TRAPPC8: variants seen among roughly 807,000 people sequenced by gnomAD.
The protein encoded by TRAPPC8 is trafficking protein particle complex subunit 8, also known as general sporulation gene 1 homolog.
TRAPPC8 carries 54 observed loss-of-function variants against 174.3 expected under a neutral mutation model. That is an observed-to-expected ratio of 0.31 (90% CI 0.25 to 0.39). The LOEUF (loss-of-function observed/expected upper bound fraction) is 0.39, where lower values mean the gene tolerates loss of function less well. Ranked by LOEUF, TRAPPC8 falls within the 10% of genes least tolerant of loss-of-function variation. The probability of loss-of-function intolerance (pLI) is 1.00; values close to 1 mark genes in which losing one functional copy is unlikely to be tolerated. For synonymous variants in TRAPPC8, 630 were observed against 579.9 expected, an observed-to-expected ratio of 1.09 and a Z score of -1.24; for missense variants, 1,531 against 1,699.1, an observed-to-expected ratio of 0.90 and a Z score of 1.74.
intron 26 of TRAPPC8, among the ~76,000 whole-genome samples, chr18:31,845,945 A>T (rs2033378595): frequency 6.6e-6 from 1 of 152,208 alleles, no homozygotes; most frequent in African/African-American, 2.4e-5. Context: ...TTTAGGAAAA[A>T]TAAGAAAGCA....
At chr18:31,858,807 G>A (rs981998168) in intron 19 of TRAPPC8, among the ~76,000 whole-genome samples, 6 of 152,204 alleles carry the variant, frequency 3.9e-5, no homozygotes, top group Non-Finnish European at 8.8e-5. Flanking sequence ...TAAGTATACT[G>A]GCTGGGCACA....
chr18:31,917,525 T>C (rs1312872434), intron 3 of TRAPPC8, 53 bp downstream of exon 3: 7 of 1,514,830 alleles, frequency 4.6e-6, no homozygotes, highest in Non-Finnish European at 6.3e-6. Flanking sequence ...ATTTCTGAGA[T>C]TAATAACTTC....
intron 2 of TRAPPC8, among the ~76,000 whole-genome samples, chr18:31,918,696 A>G (rs1418160507): frequency 2.6e-5 from 4 of 152,224 alleles, no homozygotes; most frequent in Non-Finnish European, 4.4e-5. Flanking sequence ...GAAATTTCGA[A>G]GTACATTTAC....
intron 20 of TRAPPC8, 46 bp from the exon 21 acceptor site, chr18:31,855,853 CTA>C (rs758555049): frequency 9.7e-6 from 15 of 1,546,452 alleles, no homozygotes; most frequent in Non-Finnish European, 1.2e-5. Flanking sequence ...CACAGAGTCT[CTA>C]TGTTATAATT....
At chr18:31,878,301 C>T (rs932106177) in intron 12 of TRAPPC8, among the ~76,000 whole-genome samples, 2 of 152,042 alleles carry the variant, frequency 1.3e-5, no homozygotes, top group East Asian at 1.9e-4. Flanking sequence ...TCAGAAGAAA[C>T]CTTACCAACA....
chr18:31,864,464 A>C (rs1422092084), intron 19 of TRAPPC8, among the ~76,000 whole-genome samples, 163 bp downstream of exon 19: 2 of 152,126 alleles, frequency 1.3e-5, no homozygotes, highest in Non-Finnish European at 2.9e-5. Context: ...AATTTGCATG[A>C]TTGCCTTACA....
At chr18:31,880,731 A>G (rs908686085) in intron 12 of TRAPPC8, among the ~76,000 whole-genome samples, 7 of 152,148 alleles carry the variant, frequency 4.6e-5, no homozygotes, top group African/African-American at 1.7e-4. Flanking sequence ...TTCAATGATG[A>G]CAAGATCCTA....
chr18:31,880,600 T>C (rs1004513350), intron 12 of TRAPPC8, among the ~76,000 whole-genome samples: 1 of 151,944 alleles, frequency 6.6e-6, no homozygotes, highest in African/African-American at 2.4e-5. Context: ...GACAAGGATG[T>C]ACACTCTGCA....
At chr18:31,867,018 T>C (rs769553602) in intron 17 of TRAPPC8, 43 bp from the exon 18 acceptor site, 2 of 1,598,748 alleles carry the variant, frequency 1.3e-6, no homozygotes, top group Admixed American at 1.7e-5. Context: ...TTTCATAATA[T>C]CTTAAATAGC....
intron 2 of TRAPPC8, among the ~76,000 whole-genome samples, chr18:31,920,254 G>T (rs939228689): frequency 2.0e-4 from 30 of 152,256 alleles, no homozygotes; most frequent in Non-Finnish European, 5.9e-5. Flanking sequence ...TTTGTTTCAT[G>T]GTGGAGGTGG....
chr18:31,853,727 GA>G, intron 22 of TRAPPC8, 121 bp downstream of exon 22: 1 of 681,662 alleles, frequency 1.5e-6, no homozygotes, highest in Non-Finnish European at 2.3e-6. Context: ...GTAAACTAAT[GA>G]AATCACAATT....
At chr18:31,894,788 A>G (rs922970440) in intron 11 of TRAPPC8, among the ~76,000 whole-genome samples, 5 of 152,198 alleles carry the variant, frequency 3.3e-5, no homozygotes, top group Admixed American at 6.5e-5. Flanking sequence ...TAAATTTCCC[A>G]TAAGACCAGT....
Position 31,857,968 on chromosome 18 carries a change from A to G in TRAPPC8, c.2760T>C (p.His920=). 6.2e-7 allele frequency: 1 copy of G among 1,605,086 alleles called. No homozygotes were observed. Among genetic ancestry groups the G allele is most frequent in the Non-Finnish European group, 8.5e-7 (1 of 1,175,756 alleles). ...EMPLLEVFFI[H]FPTGLLCGEI... is the part of the protein sequence containing the mutation. ...CTCCACAGAGAAGCCCTGTAGGAAA[A>G]TGTATAAAGAACACCTGCATTGGAG... The change falls in exon 20 of 29, where the codon CAT becomes CAC. Residue 920 remains histidine, a synonymous_variant. Transcript: ENST00000283351.
chr18:31,832,070 A>G lies in TRAPPC8; in HGVS notation c.4073+14T>C. The G allele has an allele frequency of 6.6e-7, 1 of 1,516,252 alleles. No individual in the cohort carries two copies. The highest frequency in any genetic ancestry group is 8.8e-7 in the Non-Finnish European group (1 of 1,131,970). The allele number at this position is 1,516,252 out of a possible 1,614,324, so 93.9% of individuals were successfully genotyped here. A position where few individuals can be genotyped will look rare whatever the true frequency, so the allele number is the denominator to read the frequency against. On this transcript the variant is annotated intron_variant, in intron 28 of 28. Transcript: ENST00000283351. ...CTCCCAAATCAAATAACCTTGCACT[A>G]AACAAATCTTTACCTTGTTGTTTTA... is the stretch of plus-strand genomic sequence containing the variant.
At chr18:31,913,130 A>G (rs1276561410) in intron 5 of TRAPPC8, among the ~76,000 whole-genome samples, 1 of 152,032 alleles carries the variant, frequency 6.6e-6, no homozygotes, top group Non-Finnish European at 1.5e-5. Flanking sequence ...TCTGTCTCAA[A>G]AAAAAAAAAG....
Position 31,857,948 on chromosome 18 carries a change from C to G in TRAPPC8, c.2780G>C (p.Cys927Ser). The G allele has an allele frequency of 6.2e-7, 1 of 1,612,834 alleles. No homozygotes were observed. The highest frequency in any genetic ancestry group is 1.1e-5 in the South Asian group (1 of 90,964). Residue 927 changes from cysteine to serine, a missense_variant, in exon 20 of 29, where the codon TGT becomes TCT. By Grantham distance (112) the Cys-to-Ser change is moderately radical. Coordinates refer to ENST00000283351, the MANE Select transcript of TRAPPC8 (RefSeq NM_014939.5). ...TACATATGCTTTTCGGATTTCTCCA[C>G]AGAGAAGCCCTGTAGGAAAATGTAT... ...FFIHFPTGLL[C>S]GEIRKAYVEF...
chr18:31,862,104 A>G (rs557231293), intron 19 of TRAPPC8, among the ~76,000 whole-genome samples: 6 of 152,270 alleles, frequency 3.9e-5, no homozygotes, highest in African/African-American at 1.4e-4. Context: ...ACGTAATTCC[A>G]AACAAAATGT....
chr18:31,849,117 G>A (rs1156879628), intron 25 of TRAPPC8, among the ~76,000 whole-genome samples: 1 of 152,070 alleles, frequency 6.6e-6, no homozygotes, highest in Non-Finnish European at 1.5e-5. Context: ...AGCATTTACA[G>A]ATGAAATATG....
At chr18:31,906,941 T>G (rs1377613792) in intron 9 of TRAPPC8, among the ~76,000 whole-genome samples, 1 of 152,174 alleles carries the variant, frequency 6.6e-6, no homozygotes, top group African/African-American at 2.4e-5. Flanking sequence ...TCTTGATGTA[T>G]GAAGTCATAC....
Sources: gnomAD v4.1 joint callset for allele counts (sites outside exome capture counted in the v4.1 genomes callset) on GRCh38, gnomAD v4.1.1 for gene constraint, MANE v1.5 for transcripts, NCBI Gene and HGNC (gene_info 2026-07-23, HGNC 2026-07-21) for gene names.